The following LIMD1 variants were observed in gnomAD, a reference collection of about 807,000 sequenced individuals.
The protein encoded by LIMD1 is LIM domain containing 1, also known as LIM domain-containing protein 1.
LIMD1 carries 23 observed loss-of-function variants against 58.4 expected under a neutral mutation model. That is an observed-to-expected ratio of 0.39 (90% confidence interval 0.28 to 0.56). The LOEUF (loss-of-function observed/expected upper bound fraction) is 0.56, where lower values mean the gene tolerates loss of function less well. Among genes scored for constraint, LIMD1 ranks in the 20% least tolerant of loss-of-function variants. The pLI, the probability that LIMD1 is intolerant of heterozygous loss-of-function variation, is 0.57. For synonymous variants in LIMD1, 334 were observed against 345.5 expected, an observed-to-expected ratio of 0.97 and a Z score of 0.37; for missense variants, 838 against 855.5, an observed-to-expected ratio of 0.98 and a Z score of 0.25.
rs201167837 is a variant in LIMD1, at chr3:45,636,158, G to A, written c.1417G>A (p.Val473Met). The stretch of plus-strand genomic sequence containing the variant: ...TTCTCTTGTCCTGCAAGGAGCCTGT[G>A]TGAAATGCAGCAAAGGGGTGTTTGG... ...HPKADYFGAC[V>M]KCSKGVFGAG... The change falls in exon 2 of 8, where the codon GTG becomes ATG. Residue 473 changes from valine to methionine, a missense_variant. By Grantham distance (21) the Val-to-Met change is conservative. Coordinates refer to ENST00000273317, the MANE Select transcript of LIMD1 (RefSeq NM_014240.3). 6.4e-5 allele frequency: 104 copies of A among 1,612,692 alleles called. 1 individual carries two copies. The Admixed American group carries it at 1.7e-3, about 26-fold the overall frequency.
At chr3:45,627,408 A>G (rs1328679785) in intron 1 of LIMD1, among the ~76,000 whole-genome samples, 3 of 152,210 alleles carry the variant, frequency 2.0e-5, no homozygotes, top group Non-Finnish European at 2.9e-5. Flanking sequence ...CTTCATGTAT[A>G]AAGTGATGAT....
chr3:45,660,552 A>G (rs1437352253), intron 2 of LIMD1, among the ~76,000 whole-genome samples: 2 of 151,696 alleles, frequency 1.3e-5, no homozygotes, highest in African/African-American at 4.8e-5. Flanking sequence ...AGTAGCTAGG[A>G]TTATAGGCGC....
rs960626295 is a variant in LIMD1, at chr3:45,681,342, G to A, written c.*4283G>A. Reference sequence around the variant, plus strand: ...GGACTTTGTCTTCTTTTACAGCTCTGGATTCTTAAAAGTACCACATAGGTA... The same window carrying A: ...GGACTTTGTCTTCTTTTACAGCTCTAGATTCTTAAAAGTACCACATAGGTA... On this transcript the variant is annotated 3_prime_UTR_variant, in exon 8 of 8. Transcript: ENST00000273317. The A allele has an allele frequency of 2.0e-5, 3 of 152,128 alleles. No homozygotes were observed. The highest frequency in any genetic ancestry group is 7.2e-5 in the African/African-American group (3 of 41,426). 9.4% of individuals were successfully genotyped at this position (152,128 alleles called of 1,614,324 possible). A position where few individuals can be genotyped will look rare whatever the true frequency, so the allele number is the denominator to read the frequency against.
chr3:45,682,620 A>AAAT lies in LIMD1; in HGVS notation c.*5561_*5562insAAT, dbSNP rs1353282133. ...GACTGTATGTTCTTTATCATCCCTC[A>AAAT]TTTGATAGACAAGACAACTGAGACA... On this transcript the variant is annotated 3_prime_UTR_variant, in exon 8 of 8. Transcript: ENST00000273317. 6.6e-6 allele frequency: 1 copy of AAAT among 152,276 alleles called. No individual in the cohort carries two copies. Among genetic ancestry groups the AAAT allele is most frequent in the Non-Finnish European group, 1.5e-5 (1 of 68,068 alleles). 9.4% of individuals were successfully genotyped at this position (152,276 alleles called of 1,614,324 possible). A position where few individuals can be genotyped will look rare whatever the true frequency, so the allele number is the denominator to read the frequency against.
chr3:45,605,189 T>G (rs569067869), intron 1 of LIMD1, among the ~76,000 whole-genome samples: 13 of 152,324 alleles, frequency 8.5e-5, no homozygotes, highest in Non-Finnish European at 1.5e-4. Context: ...GACAGTGGCA[T>G]TAGGTATAAC....
In LIMD1 at chr3:45,672,809, A is replaced by G. The variant is rs973649874; in HGVS notation, c.1761A>G (p.Arg587=). The part of the protein sequence containing the change: ...VDSENKIYCV[R]DYHKVLAPKC... ...CAGAGAACAAGATCTACTGTGTCCGAGATTACCACAAGTAAGAAGGGATGG... is the reference window on the plus strand; with the variant it reads ...CAGAGAACAAGATCTACTGTGTCCGGGATTACCACAAGTAAGAAGGGATGG... Residue 587 remains arginine, a synonymous_variant, in exon 5 of 8, where the codon CGA becomes CGG. Transcript: ENST00000273317. The G allele has an allele frequency of 1.2e-6, 2 of 1,613,824 alleles. No homozygotes were observed. Among genetic ancestry groups the G allele is most frequent in the Non-Finnish European group, 1.7e-6 (2 of 1,179,834 alleles).
intron 2 of LIMD1, among the ~76,000 whole-genome samples, chr3:45,646,522 A>G (rs1182125017): frequency 1.3e-5 from 2 of 152,210 alleles, no homozygotes; most frequent in Non-Finnish European, 2.9e-5. Flanking sequence ...CACAGCAGCT[A>G]CTGGCCACCT....
At chr3:45,616,640 G>A (rs906181195) in intron 1 of LIMD1, among the ~76,000 whole-genome samples, 8 of 152,118 alleles carry the variant, frequency 5.3e-5, no homozygotes, top group African/African-American at 1.9e-4. Flanking sequence ...CACTGCACAA[G>A]GTAGTTGTTC....
At chr3:45,629,274 C>A (rs1701702829) in intron 1 of LIMD1, among the ~76,000 whole-genome samples, 1 of 151,618 alleles carries the variant, frequency 6.6e-6, no homozygotes, top group African/African-American at 2.4e-5. Context: ...TTAGCCAGGC[C>A]TGGTGGCACG....
At chr3:45,646,646 G>A (rs1701910553) in intron 2 of LIMD1, among the ~76,000 whole-genome samples, 1 of 150,726 alleles carries the variant, frequency 6.6e-6, no homozygotes, top group African/African-American at 2.4e-5. Context: ...TGTACAGCTT[G>A]TGGCTACTGT....
intron 2 of LIMD1, among the ~76,000 whole-genome samples, chr3:45,654,583 C>CT (rs1166384744): frequency 9.9e-5 from 15 of 152,048 alleles, no homozygotes; most frequent in African/African-American, 3.4e-4. Context: ...AATCCCAGCA[C>CT]TGTGGGAGGC....
rs57091993 is a variant in LIMD1, at chr3:45,594,778, A to AAC, written c.-37_-36dup. The AAC allele has an allele frequency of 4.7e-3, 3,442 of 730,472 alleles. 89 individuals are homozygous for AAC. The highest frequency in any genetic ancestry group is 0.014 in the African/African-American group (535 of 37,974). The allele number at this position is 730,472 out of a possible 1,614,324, so 45.2% of individuals were successfully genotyped here. A position where few individuals can be genotyped will look rare whatever the true frequency, so the allele number is the denominator to read the frequency against. ...TCGCCAGCATCTCCCCGCTGCCCTCAACACACACACACACACACACACACA... is the reference window on the plus strand; with the variant it reads ...TCGCCAGCATCTCCCCGCTGCCCTCAACACACACACACACACACACACACACA... On this transcript the variant is annotated 5_prime_UTR_variant, in exon 1 of 8. Coordinates refer to ENST00000273317, the MANE Select transcript of LIMD1 (RefSeq NM_014240.3).
At chr3:45,656,598 A>G (rs1248204690) in intron 2 of LIMD1, among the ~76,000 whole-genome samples, 1 of 151,892 alleles carries the variant, frequency 6.6e-6, no homozygotes, top group African/African-American at 2.4e-5. Context: ...GCTCACTGCA[A>G]CCTCGGCCTC....
rs1414821614 is a variant in LIMD1, at chr3:45,685,479, T to C, written c.*8420T>C. 1 of 152,208 alleles carries C rather than the reference T, an allele frequency of 6.6e-6. No individual in the cohort carries two copies. The highest frequency in any genetic ancestry group is 2.4e-5 in the African/African-American group (1 of 41,444). 9.4% of individuals were successfully genotyped at this position (152,208 alleles called of 1,614,324 possible). ...TGAGACAGGCTGCAACTTAAACCCC[T>C]ATTTTATTAAAGGAGAGGAAATGTC... is the stretch of plus-strand genomic sequence containing the variant. On this transcript the variant is annotated 3_prime_UTR_variant, in exon 8 of 8. Transcript: ENST00000273317.
chr3:45,675,180 G>T (rs935045057), intron 7 of LIMD1, among the ~76,000 whole-genome samples: 1 of 152,200 alleles, frequency 6.6e-6, no homozygotes. Context: ...GGAGAAAAAG[G>T]TGAGGACATT....
At chr3:45,601,327 C>A (rs1701409414) in intron 1 of LIMD1, among the ~76,000 whole-genome samples, 1 of 152,212 alleles carries the variant, frequency 6.6e-6, no homozygotes. Flanking sequence ...GGCCTTCACA[C>A]TCCCTCATGG....
chr3:45,647,993 C>G (rs1010762169), intron 2 of LIMD1, among the ~76,000 whole-genome samples: 8 of 151,988 alleles, frequency 5.3e-5, no homozygotes, highest in African/African-American at 1.9e-4. Context: ...CTCTCCTGAT[C>G]TTGGGTCCCA....
intron 7 of LIMD1, among the ~76,000 whole-genome samples, chr3:45,676,018 C>A (rs142888819): frequency 0.026 from 3,991 of 152,066 alleles, 151 homozygotes; most frequent in African/African-American, 0.084. Context: ...TTTGGGAGGG[C>A]AGATCACTTG....
chr3:45,612,068 GCGCT>G (rs762776923), intron 1 of LIMD1, among the ~76,000 whole-genome samples: 4 of 89,308 alleles, frequency 4.5e-5, no homozygotes, highest in Non-Finnish European at 9.2e-5. Flanking sequence ...TTGCAGGTGC[GCGCT>G]CTCTCTCTCT....
Sources: allele counts gnomAD v4.1 joint callset (sites outside exome capture counted in the v4.1 genomes callset), GRCh38; gene constraint gnomAD v4.1.1; transcripts MANE v1.5; gene names NCBI Gene and HGNC (gene_info 2026-07-23, HGNC 2026-07-21).